KATNAL1: variants seen among roughly 807,000 people sequenced by gnomAD.
The protein encoded by KATNAL1 is katanin p60 ATPase-containing subunit A-like 1.
In KATNAL1, 32 loss-of-function variants were observed where a neutral mutation model predicts 55.2. The ratio of observed to expected loss-of-function variants is 0.58; its 90% CI spans 0.44 to 0.78. The LOEUF is 0.78. Among genes scored for constraint, KATNAL1 ranks in the 30% least tolerant of loss-of-function variants. KATNAL1 has a pLI of 0.00. For missense variants in KATNAL1, 466 were observed against 600.9 expected, an observed-to-expected ratio of 0.78 and a Z score of 2.35; for synonymous variants, 193 against 193.6, an observed-to-expected ratio of 1.00 and a Z score of 0.02.
rs139791391 is a variant in KATNAL1 at position 30,207,965 on chromosome 13, G to C, written c.*575C>G. ...TCAGTAAAGCTCAAGATATTATGAAGTAGCTAGCAGAAGAAATGGCAGGGG... is the reference window on the plus strand; with the variant it reads ...TCAGTAAAGCTCAAGATATTATGAACTAGCTAGCAGAAGAAATGGCAGGGG... On this transcript the variant is annotated 3_prime_UTR_variant, in exon 11 of 11. Coordinates refer to ENST00000380615, the MANE Select transcript of KATNAL1 (RefSeq NM_032116.5). 6.6e-6 allele frequency: 1 copy of C among 152,208 alleles called. No individual in the cohort carries two copies. The highest frequency in any genetic ancestry group is 6.5e-5 in the Admixed American group (1 of 15,274). 9.4% of individuals were successfully genotyped at this position (152,208 alleles called of 1,614,324 possible).
intron 8 of KATNAL1, 52 bp from the exon 9 acceptor site, chr13:30,227,598 C>A: frequency 6.4e-7 from 1 of 1,567,536 alleles, no homozygotes; most frequent in East Asian, 2.3e-5. Context: ...ACTCTTTATT[C>A]TTTCATTCAA....
At chr13:30,228,225 G>A (rs1875705713) in intron 8 of KATNAL1, among the ~76,000 whole-genome samples, 1 of 152,162 alleles carries the variant, frequency 6.6e-6, no homozygotes. Context: ...AATATGTAGT[G>A]AGAAATAAAA....
At chr13:30,307,184 C>T (rs1214185935) in intron 1 of KATNAL1, 147 bp downstream of exon 1, 3 of 152,466 alleles carry the variant, frequency 2.0e-5, no homozygotes, top group African/African-American at 7.2e-5. Flanking sequence ...CGCGCCCCTC[C>T]CCGTCCCCGC....
At chr13:30,250,161 G>A (rs1023434512) in intron 4 of KATNAL1, among the ~76,000 whole-genome samples, 5 of 152,306 alleles carry the variant, frequency 3.3e-5, no homozygotes, top group Middle Eastern at 3.4e-3. Context: ...TTATATCACA[G>A]AATTAGCAAA....
At chr13:30,294,186 A>G (rs1882324916) in intron 1 of KATNAL1, among the ~76,000 whole-genome samples, 1 of 152,338 alleles carries the variant, frequency 6.6e-6, no homozygotes, top group Non-Finnish European at 1.5e-5. Context: ...ACTTGAAATC[A>G]AGGGCCAGAA....
At chr13:30,251,585 G>A (rs1878325363) in intron 4 of KATNAL1, among the ~76,000 whole-genome samples, 1 of 152,122 alleles carries the variant, frequency 6.6e-6, no homozygotes, top group Non-Finnish European at 1.5e-5. Context: ...ATCTGCTAGT[G>A]GCTTGATTTT....
intron 1 of KATNAL1, among the ~76,000 whole-genome samples, chr13:30,295,850 T>C (rs1372986290): frequency 2.6e-5 from 4 of 152,132 alleles, no homozygotes; most frequent in Non-Finnish European, 5.9e-5. Flanking sequence ...TTGCATGCTA[T>C]GGAGAAATTT....
chr13:30,230,687 C>T, intron 7 of KATNAL1, 93 bp from the exon 8 acceptor site: 1 of 907,484 alleles, frequency 1.1e-6, no homozygotes, highest in Non-Finnish European at 1.6e-6. Flanking sequence ...CAAAAGAGAG[C>T]AGAAACTTCT....
Position 30,205,334 on chromosome 13 carries a change from G to A in KATNAL1, c.*3206C>T, listed in dbSNP as rs986689083. The A allele has an allele frequency of 5.3e-5, 8 of 152,200 alleles. No individual in the cohort carries two copies. Among genetic ancestry groups the A allele is most frequent in the African/African-American group, 1.9e-4 (8 of 41,438 alleles). 9.4% of individuals were successfully genotyped at this position (152,200 alleles called of 1,614,324 possible). A position where few individuals can be genotyped will look rare whatever the true frequency, so the allele number is the denominator to read the frequency against. On this transcript the variant is annotated 3_prime_UTR_variant, in exon 11 of 11. Transcript: ENST00000380615. ...GTCCAGCTTTGTCTTGGTCCACAGA[G>A]CTCCTACTCACTGTGTCTTGGACCA...
intron 7 of KATNAL1, 116 bp from the exon 8 acceptor site, chr13:30,230,710 GC>G: frequency 1.4e-6 from 1 of 724,800 alleles, no homozygotes; most frequent in Non-Finnish European, 2.2e-6. Flanking sequence ...CTGTTTTAAT[GC>G]CATCATCTGG....
chr13:30,230,830 C>G (rs1876026975), intron 7 of KATNAL1, among the ~76,000 whole-genome samples: 1 of 152,084 alleles, frequency 6.6e-6, no homozygotes, highest in Non-Finnish European at 1.5e-5. Context: ...GTTCATTGTA[C>G]TATGCTTTCT....
chr13:30,225,562 T>C (rs1875372157), intron 9 of KATNAL1, among the ~76,000 whole-genome samples: 1 of 151,610 alleles, frequency 6.6e-6, no homozygotes, highest in Admixed American at 6.6e-5. Context: ...TCAATGAAGG[T>C]GCCGAAGTAA....
chr13:30,250,122 G>T (rs1173594310), intron 4 of KATNAL1, among the ~76,000 whole-genome samples: 1 of 152,158 alleles, frequency 6.6e-6, no homozygotes, highest in Non-Finnish European at 1.5e-5. Context: ...TCAGTGACAT[G>T]ATGTTGAAAT....
chr13:30,296,295 T>G (rs1882487078), intron 1 of KATNAL1: 3 of 1,221,990 alleles, frequency 2.5e-6, no homozygotes, highest in South Asian at 1.4e-5. Flanking sequence ...TTCACTTTTG[T>G]GTGCCCCACG....
intron 3 of KATNAL1, among the ~76,000 whole-genome samples, chr13:30,256,453 C>T (rs563336015): frequency 3.3e-5 from 5 of 152,162 alleles, no homozygotes; most frequent in Admixed American, 2.6e-4. Flanking sequence ...GTTTTCCTAC[C>T]TTTTCTCTTT....
chr13:30,240,414 T>C, intron 6 of KATNAL1, 46 bp downstream of exon 6: 1 of 1,302,454 alleles, frequency 7.7e-7, no homozygotes, highest in South Asian at 1.2e-5. Flanking sequence ...TTCATTCCAG[T>C]GCCAAGTAGC....
chr13:30,232,123 T>C (rs753389409), intron 6 of KATNAL1, among the ~76,000 whole-genome samples: 2 of 152,120 alleles, frequency 1.3e-5, no homozygotes, highest in Non-Finnish European at 2.9e-5. Context: ...AAAACAAACA[T>C]AAAAGTATTC....
intron 7 of KATNAL1, 116 bp downstream of exon 7, chr13:30,231,198 T>C (rs2137396703): frequency 1.4e-6 from 1 of 729,496 alleles, no homozygotes. Flanking sequence ...TCAAGAACTA[T>C]TAAAATAGAA....
At chr13:30,270,567 C>T (rs376509370) in intron 3 of KATNAL1, among the ~76,000 whole-genome samples, 2 of 151,330 alleles carry the variant, frequency 1.3e-5, no homozygotes, top group Non-Finnish European at 3.0e-5. Context: ...TTTCATTTTG[C>T]TCTGTACTAA....
Sources: gnomAD v4.1 joint callset for allele counts (sites outside exome capture counted in the v4.1 genomes callset) on GRCh38, gnomAD v4.1.1 for gene constraint, MANE v1.5 for transcripts, NCBI Gene and HGNC (gene_info 2026-07-23, HGNC 2026-07-21) for gene names.